The following PTPRN2 variants were observed in gnomAD, a reference collection of about 807,000 sequenced individuals.
PTPRN2 encodes protein tyrosine phosphatase receptor type N2.
In PTPRN2, 74 loss-of-function variants were observed where a neutral mutation model predicts 118.8. The ratio of observed to expected loss-of-function variants is 0.62; its 90% CI spans 0.52 to 0.76. PTPRN2 has a LOEUF of 0.76. Among genes scored for constraint, PTPRN2 ranks in the 30% least tolerant of loss-of-function variants. The pLI is 0.00. For synonymous variants in PTPRN2, 641 were observed against 608.0 expected, an observed-to-expected ratio of 1.05 and a Z score of -0.80; for missense variants, 1,481 against 1,394.4, an observed-to-expected ratio of 1.06 and a Z score of -0.99.
chr7:157,624,864 T>C (rs1232190689), intron 14 of PTPRN2, among the ~76,000 whole-genome samples: 1 of 151,946 alleles, frequency 6.6e-6, no homozygotes, highest in East Asian at 1.9e-4. Flanking sequence ...AACTGACATT[T>C]AAGCAAACAA....
Position 157,915,436 on chromosome 7 carries a change from A to AC in PTPRN2, c.1724-16700dup, listed in dbSNP as rs764350389. The stretch of plus-strand genomic sequence containing the variant: ...GGTTAATGTCCTAAGGGAAAATGCC[A>AC]CCCCCCCACCCCCGCCTTCCCCGCC... On this transcript the variant is annotated intron_variant, in intron 11 of 22. Coordinates refer to ENST00000389418, the MANE Select transcript of PTPRN2 (RefSeq NM_002847.5). Among the ~76,000 whole-genome samples, 137 of 82,880 alleles carry AC rather than the reference A, an allele frequency of 1.7e-3. 4 individuals carry two copies. The highest frequency in any genetic ancestry group is 4.6e-3 in the African/African-American group (105 of 22,754). The allele number at this position is 82,880 out of a possible 152,430, so 54.4% of individuals were successfully genotyped here.
In PTPRN2 at chr7:158,259,114, G is replaced by A. The variant is rs552807170; in HGVS notation, c.278-53841C>T. On this transcript the variant is annotated intron_variant, in intron 3 of 22. Transcript: ENST00000389418. The stretch of plus-strand genomic sequence containing the variant: ...GCCTCTGCTGCCTGATGCTGCAAAC[G>A]TCTCTTGAGTGAGAGCTCAGTTTCC... Among the ~76,000 whole-genome samples the A allele has an allele frequency of 9.3e-4, 142 of 152,326 alleles. 2 individuals are homozygous for A. Among genetic ancestry groups the A allele is most frequent in the African/African-American group, 2.9e-3 (120 of 41,574 alleles).
At position 157,881,124 on chromosome 7, in the gene PTPRN2, A is replaced by C. The variant is rs1796088167; in HGVS notation, c.1788+17549T>G. Among the ~76,000 whole-genome samples, 1 of 152,106 alleles carries C rather than the reference A, an allele frequency of 6.6e-6. No homozygotes were observed. The highest frequency in any genetic ancestry group is 1.5e-5 in the Non-Finnish European group (1 of 68,014). ...GGTGTTTACAGTAGTCATTATGATA[A>C]AATGAAGTCATGAGGGTATGTGGAG... On this transcript the variant is annotated intron_variant, in intron 12 of 22. Transcript: ENST00000389418. This position sits in a 1 kb window ranked among gnomAD's most constrained non-coding sequence, Gnocchi z 4.7.
At chr7:158,130,926 C>CACTCATACAG (rs1370714635) in intron 9 of PTPRN2, among the ~76,000 whole-genome samples, 1 of 151,440 alleles carries the variant, frequency 6.6e-6, no homozygotes, top group African/African-American at 2.4e-5. Context: ...CACTCATACA[C>CACTCATACAG]ACACATGCAT....
In PTPRN2 at chr7:158,497,516, G is replaced by T. The variant is rs1021201250; in HGVS notation, c.113-7731C>A. On this transcript the variant is annotated intron_variant, in intron 1 of 22. Transcript: ENST00000389418. ...GTTGACACACATGGCTGCATTCCTCGCAGAGGAGGGTCCACAGCCAAATTG... is the reference window on the plus strand; with the variant it reads ...GTTGACACACATGGCTGCATTCCTCTCAGAGGAGGGTCCACAGCCAAATTG... Among the ~76,000 whole-genome samples, 3 of 152,034 alleles carry T rather than the reference G, an allele frequency of 2.0e-5. No individual in the cohort carries two copies. The South Asian group carries it at 6.2e-4, about 32-fold the overall frequency.
rs58899972 is a variant in PTPRN2 at position 157,583,934 on chromosome 7, A to ACT, written c.2497-5796_2497-5795dup. Among the ~76,000 whole-genome samples, 541 of 136,284 alleles carry ACT rather than the reference A, an allele frequency of 4.0e-3. 4 individuals are homozygous for ACT. The highest frequency in any genetic ancestry group is 7.5e-3 in the Middle Eastern group (2 of 268). The allele number at this position is 136,284 out of a possible 152,430, so 89.4% of individuals were successfully genotyped here. A position where few individuals can be genotyped will look rare whatever the true frequency, so the allele number is the denominator to read the frequency against. On this transcript the variant is annotated intron_variant, in intron 17 of 22. Transcript: ENST00000389418. This position sits in a 1 kb window ranked among gnomAD's most constrained non-coding sequence, Gnocchi z 5.5. Reference sequence around the variant, plus strand: ...CACACACACACACACACACACACACACTCTTAAAATAAGCTCTCCTGAAGC... The same window carrying ACT: ...CACACACACACACACACACACACACACTCTCTTAAAATAAGCTCTCCTGAAGC...
At chr7:158,317,248 G>A (rs1802410292) in intron 2 of PTPRN2, among the ~76,000 whole-genome samples, 1 of 152,250 alleles carries the variant, frequency 6.6e-6, no homozygotes, top group African/African-American at 2.4e-5. Context: ...TGTAAAACTT[G>A]CCTCTGACAA....
chr7:157,558,418 G>T (rs1213184927), intron 21 of PTPRN2, among the ~76,000 whole-genome samples: 3 of 152,244 alleles, frequency 2.0e-5, no homozygotes, highest in Non-Finnish European at 4.4e-5. Context: ...GGGCCTCCAC[G>T]ATGTGGCTAG....
At chr7:158,077,627 GAAGA>G (rs1197714624) in intron 11 of PTPRN2, among the ~76,000 whole-genome samples, 1 of 152,104 alleles carries the variant, frequency 6.6e-6, no homozygotes, top group Non-Finnish European at 1.5e-5. Context: ...GGGAATGTTT[GAAGA>G]AACAGCCTGA....
intron 2 of PTPRN2, among the ~76,000 whole-genome samples, chr7:158,477,473 T>A (rs577088840): frequency 6.6e-6 from 1 of 152,328 alleles, no homozygotes; most frequent in African/African-American, 2.4e-5. Flanking sequence ...TTTGAATATA[T>A]CCATATACGT....
rs1004466949 is a variant in PTPRN2, at chr7:157,780,998, G to A, written c.1789-98061C>T. 2.6e-5 allele frequency among the ~76,000 whole-genome samples: 4 copies of A among 152,020 alleles called. No individual in the cohort carries two copies. Among genetic ancestry groups the A allele is most frequent in the South Asian group, 2.1e-4 (1 of 4,810 alleles). The stretch of plus-strand genomic sequence containing the variant: ...CCTTCTCTGGCCTCCTGCCGCTCAC[G>A]GCCACAATCACCCCACATCCTGGTC... On this transcript the variant is annotated intron_variant, in intron 12 of 22. Transcript: ENST00000389418. This position sits in a 1 kb window ranked among gnomAD's most constrained non-coding sequence, Gnocchi z 4.5.
rs139608583 is a variant in PTPRN2 at position 158,370,299 on chromosome 7, A to G, written c.164-53367T>C. Among the ~76,000 whole-genome samples the G allele has an allele frequency of 2.2e-3, 334 of 152,142 alleles. 7 individuals carry two copies. The highest frequency in any genetic ancestry group is 0.016 in the Admixed American group (246 of 15,282). On this transcript the variant is annotated intron_variant, in intron 2 of 22. Coordinates refer to ENST00000389418, the MANE Select transcript of PTPRN2 (RefSeq NM_002847.5). The stretch of plus-strand genomic sequence containing the variant: ...TTAAAAATACAAAAATTAGCTAGGT[A>G]TGGTGACACACCTGTAGTCCCAGTT...
intron 11 of PTPRN2, among the ~76,000 whole-genome samples, chr7:158,044,481 G>T (rs1563356381): frequency 6.6e-6 from 1 of 152,218 alleles, no homozygotes; most frequent in Non-Finnish European, 1.5e-5. Flanking sequence ...ACGTGTTGGA[G>T]CTTGGTCTAA....
rs1317693365 is a variant in PTPRN2, at chr7:158,341,121, G to A, written c.164-24189C>T. ...CTGCAGACGTCACTCACACCCACAC[G>A]TCACTCACACCCACAGTCTCACCAT... On this transcript the variant is annotated intron_variant, in intron 2 of 22. Transcript: ENST00000389418. 1.2e-3 allele frequency among the ~76,000 whole-genome samples: 47 copies of A among 38,698 alleles called. 1 individual carries two copies. Among genetic ancestry groups the A allele is most frequent in the African/African-American group, 3.5e-3 (42 of 11,948 alleles). 25.4% of individuals were successfully genotyped at this position (38,698 alleles called of 152,430 possible). A position where few individuals can be genotyped will look rare whatever the true frequency, so the allele number is the denominator to read the frequency against.
intron 1 of PTPRN2, among the ~76,000 whole-genome samples, chr7:158,569,837 C>T (rs550045439): frequency 5.6e-5 from 8 of 143,384 alleles, no homozygotes; most frequent in African/African-American, 2.1e-4. Flanking sequence ...GACAGGAACG[C>T]GGGGCGCGAG....
intron 11 of PTPRN2, among the ~76,000 whole-genome samples, chr7:157,980,148 C>T (rs1410563234): frequency 6.6e-6 from 1 of 152,100 alleles, no homozygotes; most frequent in African/African-American, 2.4e-5. Flanking sequence ...AAATCATGAC[C>T]ATATTATTAC....
At chr7:157,737,924 C>T (rs1800398460) in intron 12 of PTPRN2, among the ~76,000 whole-genome samples, 1 of 152,212 alleles carries the variant, frequency 6.6e-6, no homozygotes, top group Admixed American at 6.5e-5. Flanking sequence ...TTGGCCAGAC[C>T]TGCAGCAGCA....
chr7:157,915,460 C>T (rs943458564), intron 11 of PTPRN2, among the ~76,000 whole-genome samples: 4 of 149,648 alleles, frequency 2.7e-5, no homozygotes, highest in Non-Finnish European at 5.9e-5. Context: ...GCCTTCCCCG[C>T]CACACACACA....
intron 12 of PTPRN2, among the ~76,000 whole-genome samples, chr7:157,829,349 A>G (rs1157776349): frequency 6.6e-6 from 1 of 152,232 alleles, no homozygotes; most frequent in Non-Finnish European, 1.5e-5. Flanking sequence ...TCGGCTGGTA[A>G]GTAGAAGTCC....
Sources: gnomAD v4.1 joint callset for allele counts (sites outside exome capture counted in the v4.1 genomes callset) on GRCh38, gnomAD v4.1.1 for gene constraint, Gnocchi (gnomAD v3.1) non-coding constraint, MANE v1.5 for transcripts, NCBI Gene and HGNC (gene_info 2026-07-23, HGNC 2026-07-21) for gene names.